NBEA: variants seen among roughly 807,000 people sequenced by gnomAD.
NBEA encodes the protein neurobeachin.
Under a neutral mutation model 343.4 loss-of-function variants are expected in NBEA, and 44 were observed. The ratio of observed to expected loss-of-function variants is 0.13; its 90% CI spans 0.10 to 0.16. NBEA has a LOEUF of 0.16. NBEA is among the 10% of genes least tolerant of loss of function. The probability of loss-of-function intolerance (pLI) is 1.00; values close to 1 mark genes in which losing one functional copy is unlikely to be tolerated. For synonymous variants in NBEA, 1,175 were observed against 1,238.7 expected (o/e 0.95, Z 1.08); for missense variants, 2,555 against 3,631.3 (o/e 0.70, Z 7.62).
At chr13:35,055,222 T>C (rs573128202) in intron 6 of NBEA, among the ~76,000 whole-genome samples, 3 of 152,232 alleles carry the variant, frequency 2.0e-5, no homozygotes, top group East Asian at 3.9e-4. Flanking sequence ...TTCTATACTT[T>C]AGAAAAAATT....
At chr13:35,064,418 G>A (rs1291302058) in intron 8 of NBEA, among the ~76,000 whole-genome samples, 1 of 151,992 alleles carries the variant, frequency 6.6e-6, no homozygotes, top group Non-Finnish European at 1.5e-5. Context: ...ATAGACACAG[G>A]ATAATAGATT....
chr13:35,221,275 C>T (rs889262940), intron 33 of NBEA, among the ~76,000 whole-genome samples: 20 of 151,700 alleles, frequency 1.3e-4, no homozygotes, highest in Non-Finnish European at 2.5e-4. Flanking sequence ...ACCCAGGAGG[C>T]CAAGGTTGCA....
At position 35,403,349 on chromosome 13, in the gene NBEA, C is replaced by A. The variant is rs191976731; in HGVS notation, c.6180-28920C>A. 4.6e-5 allele frequency among the ~76,000 whole-genome samples: 7 copies of A among 152,118 alleles called. No individual in the cohort carries two copies. The East Asian group carries it at 1.4e-3, about 29-fold the overall frequency. On this transcript the variant is annotated intron_variant, in intron 38 of 58. Transcript: ENST00000379939. ...AGCTGCATGAGGTGAATATCCCGAT[C>A]TCTTGTTGCTTACAATCTAGTAAGA...
rs1289168372 is a variant in NBEA at position 35,600,990 on chromosome 13, A to G, written c.7297-5436A>G. 2.0e-5 allele frequency among the ~76,000 whole-genome samples: 3 copies of G among 152,308 alleles called. No homozygotes were observed. The East Asian group carries it at 5.8e-4, about 29-fold the overall frequency. On this transcript the variant is annotated intron_variant, in intron 47 of 58. Coordinates refer to ENST00000379939, the MANE Select transcript of NBEA (RefSeq NM_001385012.1). ...TCAAGAGTTCGACACTAGCCTGGCC[A>G]ACATGGCAAAACCCCAGCTGTACTA...
At chr13:35,281,179 T>G (rs1221378290) in intron 34 of NBEA, among the ~76,000 whole-genome samples, 1 of 152,166 alleles carries the variant, frequency 6.6e-6, no homozygotes, top group Non-Finnish European at 1.5e-5. Flanking sequence ...AATTATTTCT[T>G]GGGTTGAATC....
At position 35,343,963 on chromosome 13, in the gene NBEA, G is replaced by A. The variant is rs117884525; in HGVS notation, c.5904-5145G>A. Among the ~76,000 whole-genome samples, 654 of 152,096 alleles carry A rather than the reference G, an allele frequency of 4.3e-3. 5 individuals are homozygous for A. The highest frequency in any genetic ancestry group is 7.3e-3 in the South Asian group (35 of 4,816). On this transcript the variant is annotated intron_variant, in intron 36 of 58. Transcript: ENST00000379939. ...CATCCCCTTCCACCCACACTGGCCC[G>A]TGGAAAAATTGTCGTCCATGAAACT...
At chr13:35,060,591 C>T (rs185808609) in intron 8 of NBEA, among the ~76,000 whole-genome samples, 29 of 151,842 alleles carry the variant, frequency 1.9e-4, no homozygotes, top group East Asian at 7.7e-4. Context: ...GCTCACTGCA[C>T]CCCTTGTTGT....
intron 30 of NBEA, among the ~76,000 whole-genome samples, chr13:35,193,384 T>C (rs1337568826): frequency 1.3e-5 from 2 of 151,924 alleles, no homozygotes; most frequent in Non-Finnish European, 2.9e-5. Context: ...GATATAAATA[T>C]CTTAGAGATT....
chr13:35,285,959 G>A (rs981181158), intron 34 of NBEA, among the ~76,000 whole-genome samples: 2 of 152,014 alleles, frequency 1.3e-5, no homozygotes, highest in African/African-American at 4.8e-5. Context: ...TTATACCTCA[G>A]ACATTTCTCT....
At chr13:35,590,292 C>A (rs1352595813) in intron 46 of NBEA, among the ~76,000 whole-genome samples, 1 of 152,000 alleles carries the variant, frequency 6.6e-6, no homozygotes, top group Non-Finnish European at 1.5e-5. Context: ...TTATCAATTT[C>A]TATTAGTACT....
chr13:35,276,806 A>G (rs2034617698), intron 34 of NBEA, among the ~76,000 whole-genome samples: 1 of 152,222 alleles, frequency 6.6e-6, no homozygotes, highest in Non-Finnish European at 1.5e-5. Flanking sequence ...GCCTGAGTTT[A>G]TTTAGTAGCT....
At chr13:35,564,483 A>G (rs1320424325) in intron 44 of NBEA, among the ~76,000 whole-genome samples, 1 of 152,142 alleles carries the variant, frequency 6.6e-6, no homozygotes, top group Non-Finnish European at 1.5e-5. Context: ...CTTTGTATAT[A>G]TACATATAAA....
chr13:35,563,131 G>GGAGATAGATA (rs1555303288), intron 44 of NBEA, among the ~76,000 whole-genome samples: 9 of 108,242 alleles, frequency 8.3e-5, no homozygotes, highest in African/African-American at 2.9e-4. Context: ...GTGTGTGTGT[G>GGAGATAGATA]GAGATAGATA....
intron 10 of NBEA, among the ~76,000 whole-genome samples, chr13:35,097,579 A>G (rs1354477041): frequency 2.0e-5 from 3 of 152,014 alleles, no homozygotes; most frequent in Non-Finnish European, 4.4e-5. Context: ...GCATTATCAA[A>G]GCTTAATTCA....
intron 1 of NBEA, among the ~76,000 whole-genome samples, chr13:35,023,478 A>G (rs1452962304): frequency 6.6e-6 from 1 of 152,194 alleles, no homozygotes; most frequent in Non-Finnish European, 1.5e-5. Context: ...TAGTAGAGCT[A>G]TAGTAGATCC....
At chr13:34,962,710 T>A (rs775245995) in intron 1 of NBEA, among the ~76,000 whole-genome samples, 20 of 152,070 alleles carry the variant, frequency 1.3e-4, no homozygotes, top group African/African-American at 4.3e-4. Flanking sequence ...AAAATATATA[T>A]AAGTGAATGT....
intron 31 of NBEA, among the ~76,000 whole-genome samples, chr13:35,205,827 C>T (rs2073356209): frequency 6.6e-6 from 1 of 152,026 alleles, no homozygotes; most frequent in Non-Finnish European, 1.5e-5. Flanking sequence ...ATCTTTATAA[C>T]AATCTTATTG....
At chr13:35,597,407 T>C (rs1485881894) in intron 47 of NBEA, among the ~76,000 whole-genome samples, 1 of 152,150 alleles carries the variant, frequency 6.6e-6, no homozygotes, top group African/African-American at 2.4e-5. Context: ...AGAAGCTGAT[T>C]AACAGAAATT....
chr13:35,478,765 G>A (rs2075993589), intron 41 of NBEA, among the ~76,000 whole-genome samples: 1 of 152,240 alleles, frequency 6.6e-6, no homozygotes, highest in Admixed American at 6.5e-5. Context: ...TCTCTCCCTT[G>A]GGTTCAGGCC....
Sources: allele counts gnomAD v4.1 joint callset (sites outside exome capture counted in the v4.1 genomes callset), GRCh38; gene constraint gnomAD v4.1.1; transcripts MANE v1.5; gene names NCBI Gene and HGNC (gene_info 2026-07-23, HGNC 2026-07-21).